JAZF1: variants seen among roughly 807,000 people sequenced by gnomAD.
JAZF1 encodes juxtaposed with another zinc finger protein 1.
In JAZF1, 8 loss-of-function variants were observed where a neutral mutation model predicts 26.4. The observed-to-expected ratio is 0.30, with a 90% CI of 0.18 to 0.55. The LOEUF (loss-of-function observed/expected upper bound fraction) is 0.55. JAZF1 is among the 20% of genes least tolerant of loss of function. The pLI is 0.94. For synonymous variants in JAZF1, 126 were observed against 122.3 expected (o/e 1.03, Z -0.20); for missense variants, 199 against 322.0 (o/e 0.62, Z 2.92).
At chr7:27,969,296 T>C (rs1785333254) in intron 2 of JAZF1, among the ~76,000 whole-genome samples, 1 of 152,106 alleles carries the variant, frequency 6.6e-6, no homozygotes, top group Non-Finnish European at 1.5e-5. Context: ...GCATGCTGAA[T>C]ATCTCATTAG....
chr7:27,835,532 C>T (rs888800825), intron 4 of JAZF1, among the ~76,000 whole-genome samples: 2 of 151,920 alleles, frequency 1.3e-5, no homozygotes, highest in African/African-American at 2.4e-5. Context: ...AATCAGGAAG[C>T]ACATTTAGAA....
chr7:27,968,618 C>T (rs549049139), intron 2 of JAZF1, among the ~76,000 whole-genome samples: 35 of 152,286 alleles, frequency 2.3e-4, no homozygotes, highest in African/African-American at 8.4e-4. Flanking sequence ...CCAGAAAGTG[C>T]TATTTTCAAA....
intron 3 of JAZF1, among the ~76,000 whole-genome samples, chr7:27,888,508 A>C (rs1184140969): frequency 6.6e-6 from 1 of 152,174 alleles, no homozygotes; most frequent in African/African-American, 2.4e-5. Flanking sequence ...ATTCAGATAG[A>C]GCTTCTAAAT....
In JAZF1 at chr7:28,074,054, T is replaced by A. The variant is rs577580100; in HGVS notation, c.116-82073A>T. On this transcript the variant is annotated intron_variant, in intron 1 of 4. Transcript: ENST00000283928. ...TGCTTTCTTATGCTTTATTATAAAA[T>A]TAGCTAACAGTACTGTACAGGGTCA... is the stretch of plus-strand genomic sequence containing the variant. Among the ~76,000 whole-genome samples, 596 of 152,260 alleles carry A rather than the reference T, an allele frequency of 3.9e-3. 3 individuals carry two copies. The highest frequency in any genetic ancestry group is 6.7e-3 in the Non-Finnish European group (457 of 68,012).
At chr7:28,065,426 C>A (rs549787550) in intron 1 of JAZF1, among the ~76,000 whole-genome samples, 4 of 150,988 alleles carry the variant, frequency 2.6e-5, no homozygotes, top group Admixed American at 6.6e-5. Context: ...AGCGGGGAGG[C>A]GCCTCAGGAG....
At chr7:28,094,318 G>A (rs1784347464) in intron 1 of JAZF1, among the ~76,000 whole-genome samples, 1 of 152,096 alleles carries the variant, frequency 6.6e-6, no homozygotes, top group South Asian at 2.1e-4. Flanking sequence ...TCAGAACAGA[G>A]GCTACATTGC....
intron 1 of JAZF1, among the ~76,000 whole-genome samples, chr7:28,098,382 T>C (rs1784417979): frequency 6.6e-6 from 1 of 152,114 alleles, no homozygotes; most frequent in Non-Finnish European, 1.5e-5. Flanking sequence ...AGTATTTTGT[T>C]GTAGCAGCTC....
intron 2 of JAZF1, among the ~76,000 whole-genome samples, chr7:27,957,208 G>A (rs1785111550): frequency 6.6e-6 from 1 of 152,176 alleles, no homozygotes; most frequent in Non-Finnish European, 1.5e-5. Context: ...GCCAGACCCT[G>A]ACATCAGTTG....
Position 27,996,848 on chromosome 7 carries a change from G to A in JAZF1, c.116-4867C>T, listed in dbSNP as rs909301196. On this transcript the variant is annotated intron_variant, in intron 1 of 4. Coordinates refer to ENST00000283928, the MANE Select transcript of JAZF1 (RefSeq NM_175061.4). ...ACTCAGCTCAGTGCCCTGCATGTAA[G>A]AGATGCAAAGTAATTGCTGAATGAA... is the stretch of plus-strand genomic sequence containing the variant. Among the ~76,000 whole-genome samples, 22 of 152,216 alleles carry A rather than the reference G, an allele frequency of 1.4e-4. 1 individual carries two copies. The highest frequency in any genetic ancestry group is 4.3e-4 in the African/African-American group (18 of 41,454).
intron 3 of JAZF1, among the ~76,000 whole-genome samples, chr7:27,890,658 T>A (rs1245931984): frequency 6.6e-6 from 1 of 152,144 alleles, no homozygotes; most frequent in Non-Finnish European, 1.5e-5. Flanking sequence ...TAATAATGTC[T>A]CAGTGAGGCT....
intron 2 of JAZF1, among the ~76,000 whole-genome samples, chr7:27,976,364 A>G (rs938928538): frequency 1.1e-4 from 15 of 132,898 alleles, no homozygotes; most frequent in Admixed American, 5.5e-4. Flanking sequence ...AAAAAAAAAA[A>G]AAAAGAATAT....
At chr7:27,870,717 G>C (rs1273990083) in intron 3 of JAZF1, among the ~76,000 whole-genome samples, 2 of 152,102 alleles carry the variant, frequency 1.3e-5, no homozygotes, top group Non-Finnish European at 2.9e-5. Flanking sequence ...CCAAGGTCCT[G>C]CTAGTGGCTG....
chr7:28,136,057 T>A (rs911379797), intron 1 of JAZF1, among the ~76,000 whole-genome samples: 1 of 152,228 alleles, frequency 6.6e-6, no homozygotes, highest in Non-Finnish European at 1.5e-5. Context: ...CTGAAATGTA[T>A]GGATAGCACT....
At chr7:28,050,446 C>T (rs537128606) in intron 1 of JAZF1, among the ~76,000 whole-genome samples, 1 of 152,170 alleles carries the variant, frequency 6.6e-6, no homozygotes, top group South Asian at 2.1e-4. Context: ...AATAGAAAAC[C>T]CCTGAATTGT....
intron 1 of JAZF1, among the ~76,000 whole-genome samples, chr7:28,173,358 T>G (rs1356143599): frequency 6.6e-6 from 1 of 152,188 alleles, no homozygotes; most frequent in Non-Finnish European, 1.5e-5. Flanking sequence ...CATGGTGATC[T>G]TGAAAGAGAG....
intron 2 of JAZF1, among the ~76,000 whole-genome samples, chr7:27,908,345 G>T (rs1326398743): frequency 6.6e-6 from 1 of 152,118 alleles, no homozygotes; most frequent in Non-Finnish European, 1.5e-5. Flanking sequence ...CTATTTTGGG[G>T]GCAAAGCCAG....
chr7:28,167,769 T>C (rs1783391605), intron 1 of JAZF1, among the ~76,000 whole-genome samples: 1 of 152,260 alleles, frequency 6.6e-6, no homozygotes, highest in Admixed American at 6.5e-5. Flanking sequence ...CTTATCATTT[T>C]AGAATTTGGT....
At chr7:27,938,346 C>A (rs992967408) in intron 2 of JAZF1, among the ~76,000 whole-genome samples, 10 of 152,164 alleles carry the variant, frequency 6.6e-5, no homozygotes, top group African/African-American at 2.2e-4. Context: ...AAAAACAAAA[C>A]AACAAAAACA....
chr7:28,140,443 A>C (rs909623484), intron 1 of JAZF1, among the ~76,000 whole-genome samples: 1 of 152,168 alleles, frequency 6.6e-6, no homozygotes, highest in Non-Finnish European at 1.5e-5. Flanking sequence ...CAAGGTGTCA[A>C]AATATGAGGA....
Sources: allele counts gnomAD v4.1 joint callset (sites outside exome capture counted in the v4.1 genomes callset), GRCh38; gene constraint gnomAD v4.1.1; transcripts MANE v1.5; gene names NCBI Gene and HGNC (gene_info 2026-07-23, HGNC 2026-07-21).